The following CADM2 variants were observed in gnomAD, a reference collection of about 807,000 sequenced individuals.
CADM2 encodes immunoglobulin superfamily member 4D.
Under a neutral mutation model 49.8 loss-of-function variants are expected in CADM2, and 12 were observed. That is an observed-to-expected ratio of 0.24 (90% CI 0.15 to 0.39). CADM2 has a LOEUF of 0.39. CADM2 is among the 10% of genes least tolerant of loss of function. CADM2 has a pLI of 1.00. For synonymous variants in CADM2, 214 were observed against 175.4 expected (o/e 1.22, Z -1.74); for missense variants, 378 against 492.3 (o/e 0.77, Z 2.20).
intron 1 of CADM2, among the ~76,000 whole-genome samples, chr3:85,048,181 G>A (rs1037481201): frequency 1.3e-5 from 2 of 152,044 alleles, no homozygotes; most frequent in Admixed American, 6.6e-5. Flanking sequence ...AAATAAAGTA[G>A]TACATTATGT....
At chr3:85,363,420 C>G (rs2032498745) in intron 1 of CADM2, among the ~76,000 whole-genome samples, 1 of 151,972 alleles carries the variant, frequency 6.6e-6, no homozygotes, top group Admixed American at 6.6e-5. Flanking sequence ...TATAGCATTT[C>G]CTGTTGAGCT....
chr3:85,431,322 CTG>C (rs1438872920), intron 1 of CADM2, among the ~76,000 whole-genome samples: 9 of 152,088 alleles, frequency 5.9e-5, no homozygotes, highest in Non-Finnish European at 1.3e-4. Flanking sequence ...CAATGCATGA[CTG>C]TAATTTAAAG....
At chr3:85,321,113 TATA>T (rs1379729570) in intron 1 of CADM2, among the ~76,000 whole-genome samples, 2,082 of 41,542 alleles carry the variant, frequency 0.05, 40 homozygotes, top group Non-Finnish European at 0.062. Flanking sequence ...TATATATATA[TATA>T]TTTTTTTTTT....
intron 1 of CADM2, among the ~76,000 whole-genome samples, chr3:85,697,020 A>C (rs2066578658): frequency 6.6e-6 from 1 of 150,992 alleles, no homozygotes; most frequent in Non-Finnish European, 1.5e-5. Flanking sequence ...AACACTAACT[A>C]AACTTCATAG....
At position 85,411,580 on chromosome 3, in the gene CADM2, C is replaced by T. The variant is rs552367499; in HGVS notation, c.62-314942C>T. ...TGTCACAGATTTCCCTACTGAACAG[C>T]GTAACAATCATAGTTTATACCAAAC... On this transcript the variant is annotated intron_variant, in intron 1 of 9. Transcript: ENST00000383699. Among the ~76,000 whole-genome samples, 148 of 152,154 alleles carry T rather than the reference C, an allele frequency of 9.7e-4. 2 individuals carry two copies. The highest frequency in any genetic ancestry group is 3.4e-3 in the African/African-American group (141 of 41,496).
chr3:85,879,684 T>G (rs1355696239), intron 3 of CADM2, among the ~76,000 whole-genome samples: 2 of 152,184 alleles, frequency 1.3e-5, no homozygotes, highest in South Asian at 2.1e-4. Flanking sequence ...TTTTTGTAGA[T>G]TTATATGCAG....
chr3:85,801,990 G>GCT, intron 2 of CADM2, 57 bp from the exon 3 acceptor site: 1 of 1,202,418 alleles, frequency 8.3e-7, no homozygotes, highest in Non-Finnish European at 1.1e-6. Flanking sequence ...TAGATCTTAG[G>GCT]CAGTTAATCA....
At chr3:85,501,417 C>T (rs1486903281) in intron 1 of CADM2, among the ~76,000 whole-genome samples, 1 of 152,006 alleles carries the variant, frequency 6.6e-6, no homozygotes, top group African/African-American at 2.4e-5. Context: ...GGAAAAATAA[C>T]ATTTTTCACA....
chr3:86,033,018 A>T (rs980474166), intron 8 of CADM2, among the ~76,000 whole-genome samples: 1 of 151,870 alleles, frequency 6.6e-6, no homozygotes, highest in Non-Finnish European at 1.5e-5. Context: ...TTCATTGAAC[A>T]ATCAAAACCT....
At chr3:85,647,300 C>T (rs1211844783) in intron 1 of CADM2, among the ~76,000 whole-genome samples, 1 of 151,674 alleles carries the variant, frequency 6.6e-6, no homozygotes, top group Non-Finnish European at 1.5e-5. Context: ...TTGTAATCCT[C>T]AAATATAGAT....
intron 1 of CADM2, among the ~76,000 whole-genome samples, chr3:85,317,392 G>A (rs936297906): frequency 6.6e-6 from 1 of 152,080 alleles, no homozygotes; most frequent in African/African-American, 2.4e-5. Context: ...GTCACATAAA[G>A]ACTTACAATA....
intron 2 of CADM2, among the ~76,000 whole-genome samples, chr3:85,796,890 A>G (rs767809620): frequency 2.0e-5 from 3 of 151,974 alleles, no homozygotes; most frequent in Non-Finnish European, 2.9e-5. Context: ...AGGTCAAGAG[A>G]TCAAGACCAT....
At position 85,689,546 on chromosome 3, in the gene CADM2, C is replaced by A. The variant is rs148079732; in HGVS notation, c.62-36976C>A. Reference sequence around the variant, plus strand: ...GACGGTTTACCAGAGAAGAAGTTATCCAGAATTATTGAGGGATGGGTTAAA... The same window carrying A: ...GACGGTTTACCAGAGAAGAAGTTATACAGAATTATTGAGGGATGGGTTAAA... On this transcript the variant is annotated intron_variant, in intron 1 of 9. Transcript: ENST00000383699. Among the ~76,000 whole-genome samples, 339 of 152,106 alleles carry A rather than the reference C, an allele frequency of 2.2e-3. 1 individual carries two copies. The highest frequency in any genetic ancestry group is 7.8e-3 in the African/African-American group (325 of 41,500).
At chr3:85,084,689 T>C (rs2037304019) in intron 1 of CADM2, among the ~76,000 whole-genome samples, 3 of 152,164 alleles carry the variant, frequency 2.0e-5, no homozygotes, top group Non-Finnish European at 4.4e-5. Flanking sequence ...CTTTTTAATG[T>C]TTAGAATATG....
intron 1 of CADM2, among the ~76,000 whole-genome samples, chr3:85,482,095 A>C (rs963130343): frequency 2.6e-5 from 4 of 151,716 alleles, no homozygotes; most frequent in Non-Finnish European, 5.9e-5. Flanking sequence ...TGGTTATTGA[A>C]AATGTTTACC....
intron 7 of CADM2, among the ~76,000 whole-genome samples, chr3:85,948,717 T>TAATAAAATAAAATAA (rs58893078): frequency 6.0e-5 from 9 of 150,800 alleles, no homozygotes; most frequent in African/African-American, 2.2e-4. Flanking sequence ...CTAAATAAAA[T>TAATAAAATAAAATAA]AATAAAATAA....
intron 1 of CADM2, among the ~76,000 whole-genome samples, chr3:85,301,759 G>A (rs2044106392): frequency 6.6e-6 from 1 of 151,974 alleles, no homozygotes; most frequent in Non-Finnish European, 1.5e-5. Context: ...GCAGCTCATA[G>A]GGCTAGGAAA....
At chr3:85,990,231 T>C (rs1728620380) in intron 8 of CADM2, among the ~76,000 whole-genome samples, 1 of 152,032 alleles carries the variant, frequency 6.6e-6, no homozygotes, top group Non-Finnish European at 1.5e-5. Context: ...ACCATTTTGT[T>C]TTTCACTTTC....
At chr3:85,397,556 G>A (rs1478632799) in intron 1 of CADM2, among the ~76,000 whole-genome samples, 1 of 152,154 alleles carries the variant, frequency 6.6e-6, no homozygotes, top group Non-Finnish European at 1.5e-5. Flanking sequence ...CCTTAAAAAG[G>A]AATGGAGTTC....
Sources: gnomAD v4.1 joint callset for allele counts (sites outside exome capture counted in the v4.1 genomes callset) on GRCh38, gnomAD v4.1.1 for gene constraint, MANE v1.5 for transcripts, NCBI Gene and HGNC (gene_info 2026-07-23, HGNC 2026-07-21) for gene names.